The following CTNND2 variants were observed in gnomAD, a reference collection of about 807,000 sequenced individuals.
CTNND2 encodes catenin delta-2.
In CTNND2, 22 loss-of-function variants were observed where a neutral mutation model predicts 144.4. The ratio of observed to expected loss-of-function variants is 0.15; its 90% CI spans 0.11 to 0.22. CTNND2 has a LOEUF of 0.22. Ranked by LOEUF, CTNND2 falls within the 10% of genes least tolerant of loss-of-function variation. The pLI is 1.00. For synonymous variants in CTNND2, 751 were observed against 695.6 expected (o/e 1.08, Z -1.25); for missense variants, 1,353 against 1,618.8 (o/e 0.84, Z 2.82).
intron 2 of CTNND2, among the ~76,000 whole-genome samples, chr5:11,709,610 A>T (rs1451203395): frequency 1.3e-5 from 2 of 152,176 alleles, no homozygotes; most frequent in Non-Finnish European, 2.9e-5. Flanking sequence ...ACCTGCAAAA[A>T]CAACATAAAA....
intron 16 of CTNND2, among the ~76,000 whole-genome samples, chr5:11,042,575 C>G (rs904508986): frequency 6.6e-6 from 1 of 152,178 alleles, no homozygotes; most frequent in Non-Finnish European, 1.5e-5. Context: ...AATTTTGTTG[C>G]CCAAGTCAAT....
intron 3 of CTNND2, among the ~76,000 whole-genome samples, chr5:11,476,904 G>T (rs1767798587): frequency 6.6e-6 from 1 of 152,134 alleles, no homozygotes; most frequent in Admixed American, 6.6e-5. Flanking sequence ...AAAGGGAGTA[G>T]GTCTCTGTTA....
At chr5:11,896,970 T>G (rs1582086507) in intron 1 of CTNND2, among the ~76,000 whole-genome samples, 1 of 152,192 alleles carries the variant, frequency 6.6e-6, no homozygotes, top group East Asian at 1.9e-4. Context: ...CTGATCCAGA[T>G]GCTACAAGCC....
At chr5:11,704,175 T>C (rs1785586508) in intron 2 of CTNND2, among the ~76,000 whole-genome samples, 1 of 152,250 alleles carries the variant, frequency 6.6e-6, no homozygotes, top group Non-Finnish European at 1.5e-5. Context: ...GCCTCAATAG[T>C]GCTCATCCCA....
chr5:11,329,511 T>C (rs1203009732), intron 9 of CTNND2, among the ~76,000 whole-genome samples: 1 of 152,146 alleles, frequency 6.6e-6, no homozygotes, highest in Non-Finnish European at 1.5e-5. Flanking sequence ...TCTGAGGTAC[T>C]GGGGGGTTGG....
chr5:11,117,635 G>A, intron 12 of CTNND2, 68 bp from the exon 13 acceptor site: 2 of 1,225,334 alleles, frequency 1.6e-6, no homozygotes, highest in Non-Finnish European at 2.4e-6. Context: ...TCCATGCCCA[G>A]CTGCTCTCAT....
intron 3 of CTNND2, among the ~76,000 whole-genome samples, chr5:11,483,412 G>A (rs1768473685): frequency 6.6e-6 from 1 of 152,172 alleles, no homozygotes; most frequent in African/African-American, 2.4e-5. Flanking sequence ...TGCTGTATAG[G>A]GCTGTGCAGT....
At chr5:11,611,763 G>A (rs1259636703) in intron 2 of CTNND2, among the ~76,000 whole-genome samples, 1 of 152,182 alleles carries the variant, frequency 6.6e-6, no homozygotes, top group East Asian at 1.9e-4. Context: ...GGACAACAGA[G>A]TGCAGACTGG....
chr5:11,181,525 A>C (rs934418155), intron 11 of CTNND2, among the ~76,000 whole-genome samples: 4 of 152,154 alleles, frequency 2.6e-5, no homozygotes, highest in African/African-American at 7.2e-5. Context: ...GCTTCTGCCA[A>C]GCCCAGTGTA....
chr5:11,061,642 C>T (rs1329505019), intron 16 of CTNND2, among the ~76,000 whole-genome samples: 3 of 152,148 alleles, frequency 2.0e-5, no homozygotes, highest in Non-Finnish European at 2.9e-5. Flanking sequence ...ACATTCCCTT[C>T]CCCTTGTCAC....
chr5:11,656,599 T>G (rs1782927973), intron 2 of CTNND2, among the ~76,000 whole-genome samples: 1 of 152,070 alleles, frequency 6.6e-6, no homozygotes, highest in African/African-American at 2.4e-5. Flanking sequence ...TTTCAAAAGA[T>G]AACTCATGCT....
intron 11 of CTNND2, among the ~76,000 whole-genome samples, chr5:11,185,098 G>A (rs775074124): frequency 3.9e-5 from 6 of 152,100 alleles, no homozygotes; most frequent in African/African-American, 7.2e-5. Context: ...TGTAACCTTC[G>A]TGGCCCATGT....
chr5:11,580,635 G>A (rs1280682543), intron 2 of CTNND2, among the ~76,000 whole-genome samples: 1 of 152,134 alleles, frequency 6.6e-6, no homozygotes, highest in Non-Finnish European at 1.5e-5. Context: ...TCTCCTTCAA[G>A]CGTCAGCCTT....
chr5:11,541,040 T>C (rs1193516768), intron 3 of CTNND2, among the ~76,000 whole-genome samples: 1 of 152,184 alleles, frequency 6.6e-6, no homozygotes, highest in Non-Finnish European at 1.5e-5. Context: ...GACACCATTG[T>C]TCTTATCCAA....
intron 1 of CTNND2, among the ~76,000 whole-genome samples, chr5:11,847,648 A>T (rs1794810849): frequency 6.6e-6 from 1 of 152,146 alleles, no homozygotes; most frequent in African/African-American, 2.4e-5. Flanking sequence ...ACCATAAAGA[A>T]GTGATAAATG....
At chr5:11,812,955 A>G (rs1792418898) in intron 1 of CTNND2, among the ~76,000 whole-genome samples, 1 of 152,054 alleles carries the variant, frequency 6.6e-6, no homozygotes, top group Non-Finnish European at 1.5e-5. Flanking sequence ...AACCCAAACT[A>G]TCACCCCCCA....
chr5:11,129,340 A>G (rs1755329758), intron 12 of CTNND2, among the ~76,000 whole-genome samples: 1 of 119,576 alleles, frequency 8.4e-6, no homozygotes, highest in Non-Finnish European at 1.6e-5. Context: ...TATATGCATC[A>G]AAATTCTTCC....
intron 9 of CTNND2, among the ~76,000 whole-genome samples, chr5:11,290,807 T>C (rs881673): frequency 0.25 from 37,889 of 151,992 alleles, 4,916 homozygotes; most frequent in African/African-American, 0.3. Context: ...TTTAAAAAAC[T>C]CTGATGGTTT....
At chr5:10,994,036 A>AT (rs1349185343) in intron 18 of CTNND2, among the ~76,000 whole-genome samples, 1 of 151,260 alleles carries the variant, frequency 6.6e-6, no homozygotes, top group African/African-American at 2.4e-5. Context: ...TATTGGACAT[A>AT]TTACTCTAAT....
Sources: gnomAD v4.1 joint callset for allele counts (sites outside exome capture counted in the v4.1 genomes callset) on GRCh38, gnomAD v4.1.1 for gene constraint, MANE v1.5 for transcripts, NCBI Gene and HGNC (gene_info 2026-07-23, HGNC 2026-07-21) for gene names.